Variants in MED13L observed in about 807,000 individuals in gnomAD.
MED13L encodes the protein mediator of RNA polymerase II transcription subunit 13-like.
In MED13L, 7 loss-of-function variants were observed where a neutral mutation model predicts 220.9. That is an observed-to-expected ratio of 0.03 (90% CI 0.02 to 0.06). The LOEUF (loss-of-function observed/expected upper bound fraction) is 0.06, where lower values mean the gene tolerates loss of function less well. MED13L is among the 10% of genes least tolerant of loss of function. The pLI is 1.00. For missense variants in MED13L, 1,965 were observed against 2,760.5 expected, an observed-to-expected ratio of 0.71 and a Z score of 6.46; for synonymous variants, 1,011 against 1,015.2, an observed-to-expected ratio of 1.00 and a Z score of 0.08.
intron 2 of MED13L, among the ~76,000 whole-genome samples, chr12:116,144,163 TACTC>T (rs1440884440): frequency 3.7e-4 from 56 of 152,200 alleles, no homozygotes; most frequent in Non-Finnish European, 3.7e-4. Flanking sequence ...AGCCCTGAAA[TACTC>T]ACACCATTAA....
At chr12:116,026,612 C>T (rs1203469893) in intron 4 of MED13L, among the ~76,000 whole-genome samples, 1 of 152,164 alleles carries the variant, frequency 6.6e-6, no homozygotes, top group African/African-American at 2.4e-5. Flanking sequence ...GCTGCTGCTG[C>T]TGCTGCTCCT....
rs1014875118 is a variant in MED13L at position 115,959,020 on chromosome 12, A to G, written c.*2246T>C. ...AAAATTAAAAATAAAAAAAAATAAA[A>G]TAACTTCTCACTCTGTAGCAAATCC... On this transcript the variant is annotated 3_prime_UTR_variant, in exon 31 of 31. Coordinates refer to ENST00000281928, the MANE Select transcript of MED13L (RefSeq NM_015335.5). The G allele has an allele frequency of 1.3e-5, 2 of 152,614 alleles. No homozygotes were observed. Among genetic ancestry groups the G allele is most frequent in the Non-Finnish European group, 2.9e-5 (2 of 68,036 alleles). The allele number at this position is 152,614 out of a possible 1,614,324, so 9.5% of individuals were successfully genotyped here. A position where few individuals can be genotyped will look rare whatever the true frequency, so the allele number is the denominator to read the frequency against.
intron 30 of MED13L, 93 bp from the exon 31 acceptor site, chr12:115,961,491 A>T: frequency 6.6e-7 from 1 of 1,516,152 alleles, no homozygotes; most frequent in Non-Finnish European, 9.1e-7. Flanking sequence ...AGCAGGAAGG[A>T]GGTCTCAAAG....
At chr12:116,203,226 T>C (rs930529126) in intron 2 of MED13L, among the ~76,000 whole-genome samples, 2 of 152,186 alleles carry the variant, frequency 1.3e-5, no homozygotes, top group Non-Finnish European at 2.9e-5. Context: ...GAGGGTTCCA[T>C]GTAAGATTCG....
chr12:116,046,564 A>G (rs1255417474), intron 4 of MED13L, among the ~76,000 whole-genome samples: 4 of 152,194 alleles, frequency 2.6e-5, no homozygotes, highest in Admixed American at 2.6e-4. Flanking sequence ...AAATAAAGAT[A>G]TTTGCTTCAA....
At chr12:116,108,389 AAG>A (rs1491583297) in intron 3 of MED13L, among the ~76,000 whole-genome samples, 1 of 17,040 alleles carries the variant, frequency 5.9e-5, no homozygotes, top group African/African-American at 3.3e-4. Context: ...CTTTAAAAGA[AAG>A]GGGGGGGGGG....
chr12:116,133,209 T>C (rs1876233860), intron 2 of MED13L, among the ~76,000 whole-genome samples: 1 of 152,174 alleles, frequency 6.6e-6, no homozygotes, highest in African/African-American at 2.4e-5. Flanking sequence ...CACCAGAGTT[T>C]GTTTTCTTTT....
At chr12:116,206,194 C>T (rs571199404) in intron 2 of MED13L, among the ~76,000 whole-genome samples, 44 of 149,732 alleles carry the variant, frequency 2.9e-4, no homozygotes, top group Admixed American at 1.1e-3. Context: ...AGTTCTCCTG[C>T]CTCAGCCTCC....
intron 3 of MED13L, among the ~76,000 whole-genome samples, chr12:116,103,995 T>C (rs1873321563): frequency 1.4e-5 from 2 of 144,346 alleles, no homozygotes; most frequent in South Asian, 2.2e-4. Flanking sequence ...CCAAGGACAT[T>C]GCTCTTTTTT....
chr12:116,266,219 G>T (rs1034727888), intron 1 of MED13L, among the ~76,000 whole-genome samples: 2 of 152,178 alleles, frequency 1.3e-5, no homozygotes, highest in Non-Finnish European at 2.9e-5. Flanking sequence ...GATCTCAGAA[G>T]TCCTCATTTA....
chr12:115,998,472 C>A (rs746266658), intron 14 of MED13L, among the ~76,000 whole-genome samples: 4 of 152,232 alleles, frequency 2.6e-5, no homozygotes, highest in Non-Finnish European at 4.4e-5. Flanking sequence ...AGTCCAGGTG[C>A]TGGGGACTTA....
chr12:116,099,567 C>A (rs1055878069), intron 3 of MED13L, among the ~76,000 whole-genome samples: 3 of 151,902 alleles, frequency 2.0e-5, no homozygotes, highest in African/African-American at 7.3e-5. Context: ...TTACAGTGTA[C>A]AGAAAGAAAA....
At chr12:116,159,295 A>T (rs1878679280) in intron 2 of MED13L, among the ~76,000 whole-genome samples, 1 of 152,222 alleles carries the variant, frequency 6.6e-6, no homozygotes, top group Admixed American at 6.5e-5. Flanking sequence ...TTATGTAGAC[A>T]TCACAAAAAC....
intron 4 of MED13L, among the ~76,000 whole-genome samples, chr12:116,064,173 A>G: frequency 6.7e-6 from 1 of 150,200 alleles, no homozygotes; most frequent in East Asian, 2.0e-4. Context: ...ACAGAACAAG[A>G]CCCCGTCTCA....
At chr12:116,051,097 A>T (rs1335844642) in intron 4 of MED13L, among the ~76,000 whole-genome samples, 2 of 152,204 alleles carry the variant, frequency 1.3e-5, no homozygotes, top group African/African-American at 2.4e-5. Flanking sequence ...TTACAAGTCA[A>T]ATCCTAAGGA....
intron 25 of MED13L, among the ~76,000 whole-genome samples, chr12:115,973,377 G>A (rs2137234758): frequency 6.6e-6 from 1 of 152,318 alleles, no homozygotes; most frequent in South Asian, 2.1e-4. Flanking sequence ...CTGTAGATTA[G>A]TAAACAGATT....
intron 23 of MED13L, among the ~76,000 whole-genome samples, chr12:115,977,698 C>T (rs1877029982): frequency 6.6e-6 from 1 of 152,124 alleles, no homozygotes; most frequent in African/African-American, 2.4e-5. Context: ...AGAAGCCAGA[C>T]ATAAAAGATC....
chr12:115,982,957 C>A (rs1439227084), intron 21 of MED13L, among the ~76,000 whole-genome samples, 160 bp downstream of exon 21: 4 of 152,196 alleles, frequency 2.6e-5, no homozygotes, highest in African/African-American at 9.7e-5. Flanking sequence ...ATTTTTAACA[C>A]TGCAGCTTTA....
rs531927761 is a variant in MED13L at position 116,092,091 on chromosome 12, T to G, written c.479+4578A>C. ...AAACTATTATGCATGATTATGTAAG[T>G]CCAAATTGTCCCATTAATATTTGTC... On this transcript the variant is annotated intron_variant, in intron 4 of 30. Transcript: ENST00000281928. Among the ~76,000 whole-genome samples, 43 of 152,348 alleles carry G rather than the reference T, an allele frequency of 2.8e-4. 1 individual carries two copies. In the South Asian group the frequency reaches 6.8e-3, roughly 24 times the overall value.
Sources: gnomAD v4.1 joint callset for allele counts (sites outside exome capture counted in the v4.1 genomes callset) on GRCh38, gnomAD v4.1.1 for gene constraint, MANE v1.5 for transcripts, NCBI Gene and HGNC (gene_info 2026-07-23, HGNC 2026-07-21) for gene names.